The following CEP112 variants were observed in gnomAD, a reference collection of about 807,000 sequenced individuals.
CEP112 encodes centrosomal protein 112, also known as centrosomal protein of 112 kDa.
A neutral mutation model predicts 153.0 loss-of-function variants in CEP112; 127 were observed. The ratio of observed to expected loss-of-function variants is 0.83; its 90% CI spans 0.72 to 0.96. The LOEUF (loss-of-function observed/expected upper bound fraction) is 0.96. Among genes scored for constraint, CEP112 ranks in the 40% least tolerant of loss-of-function variants. The pLI, the probability that CEP112 is intolerant of heterozygous loss-of-function variation, is 0.00. For synonymous variants in CEP112, 358 were observed against 374.4 expected (o/e 0.96, Z 0.51); for missense variants, 1,089 against 1,101.2 (o/e 0.99, Z 0.16).
chr17:66,096,791 G>A (rs574188242), intron 6 of CEP112, among the ~76,000 whole-genome samples, 159 bp from the exon 7 acceptor site: 50 of 151,544 alleles, frequency 3.3e-4, no homozygotes, highest in African/African-American at 9.5e-4. Flanking sequence ...TATTTTTAGC[G>A]GCTCCCTACA....
chr17:65,949,612 G>A (rs1249871200), intron 18 of CEP112, among the ~76,000 whole-genome samples: 1 of 152,134 alleles, frequency 6.6e-6, no homozygotes, highest in Non-Finnish European at 1.5e-5. Context: ...AGAAACACAT[G>A]AACTCTTAGA....
At chr17:65,971,376 G>A (rs2062787893) in intron 17 of CEP112, among the ~76,000 whole-genome samples, 1 of 98,308 alleles carries the variant, frequency 1.0e-5, no homozygotes, top group African/African-American at 3.4e-5. Context: ...TCGCATGTAT[G>A]TACATTGCAT....
At chr17:65,969,820 A>G (rs2062585196) in intron 17 of CEP112, among the ~76,000 whole-genome samples, 2 of 132,726 alleles carry the variant, frequency 1.5e-5, no homozygotes, top group Admixed American at 9.0e-5. Context: ...TTACCTGCAT[A>G]CATATTACAA....
At chr17:66,100,759 T>C (rs2068537750) in intron 6 of CEP112, among the ~76,000 whole-genome samples, 1 of 152,154 alleles carries the variant, frequency 6.6e-6, no homozygotes, top group South Asian at 2.1e-4. Flanking sequence ...TCCATATTCA[T>C]GGCTTCTACA....
intron 20 of CEP112, among the ~76,000 whole-genome samples, chr17:65,859,371 C>T (rs1349554617): frequency 3.5e-5 from 5 of 144,858 alleles, no homozygotes; most frequent in East Asian, 4.2e-4. Flanking sequence ...ACCCAGGAGG[C>T]GGAGGTTGTA....
intron 21 of CEP112, among the ~76,000 whole-genome samples, chr17:65,782,839 G>A (rs1484796767): frequency 6.6e-6 from 1 of 151,950 alleles, no homozygotes; most frequent in Non-Finnish European, 1.5e-5. Flanking sequence ...AGAGGGTAGG[G>A]GTGGGAAAAC....
intron 4 of CEP112, among the ~76,000 whole-genome samples, chr17:66,155,335 C>T (rs1186573767): frequency 6.6e-6 from 1 of 152,074 alleles, no homozygotes; most frequent in Non-Finnish European, 1.5e-5. Flanking sequence ...AGGGACTGTG[C>T]CGTGAGGGAC....
At chr17:65,965,392 C>T (rs2052652488) in intron 17 of CEP112, among the ~76,000 whole-genome samples, 1 of 152,116 alleles carries the variant, frequency 6.6e-6, no homozygotes, top group Non-Finnish European at 1.5e-5. Context: ...GCCATACTGT[C>T]TGAACTAATC....
intron 8 of CEP112, among the ~76,000 whole-genome samples, chr17:66,086,457 G>GCAGT (rs1469994929): frequency 1.4e-5 from 2 of 144,130 alleles, no homozygotes; most frequent in East Asian, 4.1e-4. Flanking sequence ...AGGCTGGAGT[G>GCAGT]CAGTGGCGTG....
chr17:65,925,009 T>C (rs1479017421), intron 19 of CEP112, among the ~76,000 whole-genome samples: 4 of 152,152 alleles, frequency 2.6e-5, no homozygotes, highest in African/African-American at 9.7e-5. Context: ...TCTTAACCTT[T>C]ACTGTTACAA....
At chr17:66,154,383 G>A (rs1221813707) in intron 4 of CEP112, among the ~76,000 whole-genome samples, 19 of 149,320 alleles carry the variant, frequency 1.3e-4, no homozygotes, top group Admixed American at 1.2e-3. Context: ...GGTGTGGGGG[G>A]GGGAGCCTGT....
At chr17:65,932,149 T>C (rs1309086861) in intron 18 of CEP112, among the ~76,000 whole-genome samples, 1 of 152,156 alleles carries the variant, frequency 6.6e-6, no homozygotes, top group Non-Finnish European at 1.5e-5. Flanking sequence ...CCTGACTTCA[T>C]ATAACAGGCA....
Position 66,129,826 on chromosome 17 carries a change from G to A in CEP112, c.565-3C>T. 6.3e-7 allele frequency: 1 copy of A among 1,593,670 alleles called. No individual in the cohort carries two copies. The highest frequency in any genetic ancestry group is 1.1e-5 in the South Asian group (1 of 90,028). ...GGAGATTTTTTCGAATAAACTTCCTGAAATACAAAAGGGAAAAAGGAAGAG... is the reference window on the plus strand; with the variant it reads ...GGAGATTTTTTCGAATAAACTTCCTAAAATACAAAAGGGAAAAAGGAAGAG... On this transcript the variant is annotated splice_region_variant and splice_polypyrimidine_tract_variant and intron_variant, in intron 5 of 26. Coordinates refer to ENST00000535342, the MANE Select transcript of CEP112 (RefSeq NM_001199165.4).
intron 20 of CEP112, among the ~76,000 whole-genome samples, chr17:65,896,236 T>A (rs534298774): frequency 2.6e-4 from 39 of 152,076 alleles, no homozygotes; most frequent in Non-Finnish European, 4.3e-4. Flanking sequence ...CTTCTACAAA[T>A]GGATCATTCT....
intron 23 of CEP112, among the ~76,000 whole-genome samples, chr17:65,714,943 A>C (rs1414140850): frequency 6.6e-6 from 1 of 152,092 alleles, no homozygotes; most frequent in African/African-American, 2.4e-5. Flanking sequence ...ATAGACCTGA[A>C]TGATGATACA....
chr17:65,750,827 G>A (rs1387434609), intron 21 of CEP112, 103 bp from the exon 22 acceptor site: 15 of 980,274 alleles, frequency 1.5e-5, no homozygotes, highest in South Asian at 8.2e-5. Flanking sequence ...CAGCTGCACC[G>A]CCCTTCTGGG....
intron 26 of CEP112, among the ~76,000 whole-genome samples, chr17:65,636,427 A>G (rs1448968328): frequency 1.3e-5 from 2 of 152,140 alleles, no homozygotes; most frequent in African/African-American, 4.8e-5. Context: ...CTTGGGGGAA[A>G]GGACTTTGAA....
At chr17:65,821,016 T>C (rs1489957272) in intron 21 of CEP112, among the ~76,000 whole-genome samples, 1 of 151,984 alleles carries the variant, frequency 6.6e-6, no homozygotes, top group Non-Finnish European at 1.5e-5. Flanking sequence ...GAAAATACCA[T>C]AGATGAATAT....
At chr17:65,786,667 G>T (rs2054294270) in intron 21 of CEP112, among the ~76,000 whole-genome samples, 1 of 148,558 alleles carries the variant, frequency 6.7e-6, no homozygotes, top group African/African-American at 2.5e-5. Context: ...GCTCACTGCA[G>T]ATTTGATCTC....
Sources: gnomAD v4.1 joint callset for allele counts (sites outside exome capture counted in the v4.1 genomes callset) on GRCh38, gnomAD v4.1.1 for gene constraint, MANE v1.5 for transcripts, NCBI Gene and HGNC (gene_info 2026-07-23, HGNC 2026-07-21) for gene names.